Variants in SH3GL2 observed in about 807,000 individuals in gnomAD.
The protein encoded by SH3GL2 is SH3 domain containing GRB2 like 2, endophilin A1, also known as endophilin-A1.
Under a neutral mutation model 46.0 loss-of-function variants are expected in SH3GL2, and 24 were observed. The observed-to-expected ratio is 0.52, with a 90% CI of 0.38 to 0.73. The LOEUF (loss-of-function observed/expected upper bound fraction) is 0.73. Ranked by LOEUF, SH3GL2 falls within the 30% of genes least tolerant of loss-of-function variation. The pLI is 0.00. For missense variants in SH3GL2, 413 were observed against 424.2 expected (o/e 0.97, Z 0.23); for synonymous variants, 196 against 147.1 (o/e 1.33, Z -2.40).
chr9:17,688,998 C>G (rs1300252748), intron 1 of SH3GL2, among the ~76,000 whole-genome samples: 5 of 152,026 alleles, frequency 3.3e-5, no homozygotes, highest in Admixed American at 6.6e-5. Flanking sequence ...GGGAGAGTCA[C>G]TTTACAGTGG....
intron 1 of SH3GL2, among the ~76,000 whole-genome samples, chr9:17,668,285 T>A (rs1820392603): frequency 6.6e-6 from 1 of 152,230 alleles, no homozygotes; most frequent in Non-Finnish European, 1.5e-5. Flanking sequence ...TACTTTGAGT[T>A]AATTTTGTGT....
At position 17,747,448 on chromosome 9, in the gene SH3GL2, G is replaced by T. The variant is rs16935958; in HGVS notation, c.114+314G>T. Among the ~76,000 whole-genome samples, 344 of 152,092 alleles carry T rather than the reference G, an allele frequency of 2.3e-3. 1 individual carries two copies. The highest frequency in any genetic ancestry group is 7.8e-3 in the African/African-American group (322 of 41,510). On this transcript the variant is annotated intron_variant, in intron 2 of 8. Coordinates refer to ENST00000380607, the MANE Select transcript of SH3GL2 (RefSeq NM_003026.5). Reference sequence around the variant, plus strand: ...TGATGTTTGAATTAGGGTGAGATGCGTAGAAAAGAAGCTGCAGAATGACAT... The same window carrying T: ...TGATGTTTGAATTAGGGTGAGATGCTTAGAAAAGAAGCTGCAGAATGACAT...
chr9:17,756,587 G>C (rs531570024), intron 2 of SH3GL2, among the ~76,000 whole-genome samples: 1 of 149,144 alleles, frequency 6.7e-6, no homozygotes, highest in Non-Finnish European at 1.5e-5. Flanking sequence ...TTGGTTTTTT[G>C]TCCTTGCAAT....
intron 1 of SH3GL2, among the ~76,000 whole-genome samples, chr9:17,675,734 C>G (rs1057040691): frequency 1.3e-5 from 2 of 152,148 alleles, no homozygotes; most frequent in African/African-American, 4.8e-5. Context: ...ATCACGAGGT[C>G]AGGAGATTGA....
intron 1 of SH3GL2, among the ~76,000 whole-genome samples, chr9:17,670,181 C>T (rs1266446892): frequency 6.6e-6 from 1 of 152,078 alleles, no homozygotes; most frequent in African/African-American, 2.4e-5. Context: ...AGGTAGAATC[C>T]CCATGGTGGA....
intron 1 of SH3GL2, among the ~76,000 whole-genome samples, chr9:17,696,027 G>T (rs1821194349): frequency 6.6e-6 from 1 of 152,066 alleles, no homozygotes. Context: ...TGTCTGAGTT[G>T]TCCTGCAAGC....
intron 1 of SH3GL2, among the ~76,000 whole-genome samples, chr9:17,665,984 A>G (rs1330183300): frequency 6.7e-6 from 1 of 150,310 alleles, no homozygotes; most frequent in Non-Finnish European, 1.5e-5. Flanking sequence ...CCTCCTTTCC[A>G]TATTTGTAAC....
intron 1 of SH3GL2, among the ~76,000 whole-genome samples, chr9:17,736,078 A>T (rs533077821): frequency 6.6e-6 from 1 of 152,178 alleles, no homozygotes; most frequent in East Asian, 1.9e-4. Flanking sequence ...CATAGGGTGG[A>T]AGCAAAGTGG....
intron 1 of SH3GL2, among the ~76,000 whole-genome samples, chr9:17,596,353 T>C (rs912326107): frequency 6.6e-6 from 1 of 151,930 alleles, no homozygotes; most frequent in South Asian, 2.1e-4. Flanking sequence ...TTTTTTTTTT[T>C]CAGTTCCCTA....
intron 1 of SH3GL2, among the ~76,000 whole-genome samples, chr9:17,623,977 C>CATACAGGTTCTAGTCTGGGGTCAA (rs1819218076): frequency 2.6e-5 from 4 of 152,310 alleles, no homozygotes; most frequent in Non-Finnish European, 5.9e-5. Flanking sequence ...TTTTCTGTCT[C>CATACAGGTTCTAGTCTGGGGTCAA]ATACAGGTTC....
At chr9:17,747,159 T>G (rs755257992) in intron 2 of SH3GL2, 25 bp downstream of exon 2, 1 of 1,487,974 alleles carries the variant, frequency 6.7e-7, no homozygotes, top group Middle Eastern at 1.7e-4. Flanking sequence ...CTGCCTAGTG[T>G]TCCCTTTGAC....
chr9:17,650,390 A>G (rs940236530), intron 1 of SH3GL2, among the ~76,000 whole-genome samples: 1 of 152,014 alleles, frequency 6.6e-6, no homozygotes, highest in African/African-American at 2.4e-5. Context: ...TGTTTTTTTT[A>G]AGACGGAGTC....
intron 1 of SH3GL2, among the ~76,000 whole-genome samples, chr9:17,723,750 GT>G (rs372753491): frequency 1.3e-4 from 19 of 150,128 alleles, no homozygotes; most frequent in Admixed American, 7.9e-4. Context: ...TGATTTTTGT[GT>G]TTTTTTTCTC....
intron 1 of SH3GL2, 77 bp downstream of exon 1, chr9:17,579,364 G>A (rs1818230832): frequency 9.7e-7 from 1 of 1,029,540 alleles, no homozygotes; most frequent in South Asian, 1.9e-5. Context: ...TGGCCGTCCG[G>A]CGGCAGCTTG....
intron 1 of SH3GL2, among the ~76,000 whole-genome samples, chr9:17,720,083 A>G: frequency 6.6e-6 from 1 of 152,122 alleles, no homozygotes; most frequent in East Asian, 1.9e-4. Flanking sequence ...AAATTTTATC[A>G]ATAGGAAGAA....
chr9:17,619,570 C>T (rs552140105), intron 1 of SH3GL2, among the ~76,000 whole-genome samples: 94 of 151,922 alleles, frequency 6.2e-4, no homozygotes, highest in African/African-American at 1.9e-3. Context: ...CCCAGCTACT[C>T]GGGAGGCTGA....
intron 1 of SH3GL2, among the ~76,000 whole-genome samples, chr9:17,643,332 A>G (rs543765055): frequency 1.7e-4 from 26 of 152,210 alleles, no homozygotes; most frequent in Non-Finnish European, 2.9e-4. Flanking sequence ...TGTCATCTGC[A>G]GACAATAGTT....
chr9:17,767,053 T>C (rs1823338897), intron 3 of SH3GL2, among the ~76,000 whole-genome samples: 1 of 152,224 alleles, frequency 6.6e-6, no homozygotes, highest in African/African-American at 2.4e-5. Context: ...CCTTTTCAGT[T>C]TGCACTGAGA....
At chr9:17,778,819 A>G (rs537753756) in intron 3 of SH3GL2, among the ~76,000 whole-genome samples, 12 of 152,268 alleles carry the variant, frequency 7.9e-5, no homozygotes, top group Non-Finnish European at 1.6e-4. Flanking sequence ...CAAGAGAGAC[A>G]TCAAAGATAA....
Sources: gnomAD v4.1 joint callset for allele counts (sites outside exome capture counted in the v4.1 genomes callset) on GRCh38, gnomAD v4.1.1 for gene constraint, MANE v1.5 for transcripts, NCBI Gene and HGNC (gene_info 2026-07-23, HGNC 2026-07-21) for gene names.